Variants in RNF125 observed in about 807,000 individuals in gnomAD.
RNF125 encodes E3 ubiquitin-protein ligase RNF125.
A neutral mutation model predicts 26.0 loss-of-function variants in RNF125; 21 were observed. That is an observed-to-expected ratio of 0.81 (90% CI 0.57 to 1.16). The LOEUF (loss-of-function observed/expected upper bound fraction) is 1.16. Among genes scored for constraint, RNF125 ranks in the 50% most tolerant of loss-of-function variants. The pLI, the probability that RNF125 is intolerant of heterozygous loss-of-function variation, is 0.00. For missense variants in RNF125, 270 were observed against 299.4 expected (o/e 0.90, Z 0.72); for synonymous variants, 95 against 109.2 (o/e 0.87, Z 0.81).
intron 1 of RNF125, among the ~76,000 whole-genome samples, chr18:32,025,378 C>T (rs1294029942): frequency 2.0e-5 from 3 of 151,904 alleles, no homozygotes; most frequent in African/African-American, 7.3e-5. Context: ...AGAGGACCCC[C>T]AATGGCCAGG....
At chr18:32,060,096 G>A (rs1568206977) in intron 4 of RNF125, among the ~76,000 whole-genome samples, 1 of 152,156 alleles carries the variant, frequency 6.6e-6, no homozygotes, top group Non-Finnish European at 1.5e-5. Flanking sequence ...ATGGTTTCTT[G>A]AAAAGAAAGA....
At position 32,070,969 on chromosome 18, in the gene RNF125, G is replaced by C. The variant is rs570421482; in HGVS notation, c.*2585G>C. 1 of 152,266 alleles carries C rather than the reference G, an allele frequency of 6.6e-6. No individual in the cohort carries two copies. Among genetic ancestry groups the C allele is most frequent in the Non-Finnish European group, 1.5e-5 (1 of 68,142 alleles). 9.4% of individuals were successfully genotyped at this position (152,266 alleles called of 1,614,324 possible). A position where few individuals can be genotyped will look rare whatever the true frequency, so the allele number is the denominator to read the frequency against. On this transcript the variant is annotated 3_prime_UTR_variant, in exon 6 of 6. Transcript: ENST00000217740. ...TCCGCCTGCCTCGGCCTCCCAAAGT[G>C]CTGGGATTACAGGTGTGAGCCACTG...
downstream of RNF125, among the ~76,000 whole-genome samples, chr18:32,074,321 A>G (rs749320997): frequency 5.9e-5 from 9 of 152,232 alleles, no homozygotes; most frequent in Non-Finnish European, 2.9e-5. Context: ...ATGTCAAGGC[A>G]CTGAGGAAAT....
At chr18:32,085,293 G>GC in the RNF125 span, among the ~76,000 whole-genome samples, 1 of 151,940 alleles carries the variant, frequency 6.6e-6, no homozygotes, top group African/African-American at 2.4e-5. Context: ...GGAAGGGCCT[G>GC]CCCAGCAGGA....
At position 32,070,607 on chromosome 18, in the gene RNF125, T is replaced by G. The variant is rs983489198; in HGVS notation, c.*2223T>G. The G allele has an allele frequency of 3.9e-5, 6 of 152,198 alleles. No individual in the cohort carries two copies. The highest frequency in any genetic ancestry group is 8.8e-5 in the Non-Finnish European group (6 of 68,038). 9.4% of individuals were successfully genotyped at this position (152,198 alleles called of 1,614,324 possible). A position where few individuals can be genotyped will look rare whatever the true frequency, so the allele number is the denominator to read the frequency against. ...TCATTTCTTTTATTTATCTTACACT[T>G]ACAGCTGTCTCAGAATAACAATAGA... is the stretch of plus-strand genomic sequence containing the variant. On this transcript the variant is annotated 3_prime_UTR_variant, in exon 6 of 6. Transcript: ENST00000217740.
At chr18:32,087,463 G>A in the RNF125 span, among the ~76,000 whole-genome samples, 1 of 151,798 alleles carries the variant, frequency 6.6e-6, no homozygotes, top group Non-Finnish European at 1.5e-5. Context: ...CCCAACCTGT[G>A]GGATCTGACA....
At chr18:32,028,095 G>A (rs1259407432) in intron 1 of RNF125, among the ~76,000 whole-genome samples, 3 of 151,384 alleles carry the variant, frequency 2.0e-5, no homozygotes, top group Admixed American at 6.6e-5. Context: ...TCAGGAGATC[G>A]AGACCATCCT....
chr18:32,031,393 C>A lies in RNF125; in HGVS notation c.165-5723C>A, dbSNP rs536149968. 2.9e-5 allele frequency: 4 copies of A among 138,604 alleles called. No homozygotes were observed. In the East Asian group the frequency reaches 9.0e-4, roughly 31 times the overall value. 8.6% of individuals were successfully genotyped at this position (138,604 alleles called of 1,614,324 possible). On this transcript the variant is annotated intron_variant, in intron 1 of 5. Transcript: ENST00000217740. ...TTTTATGAATTATTGTAGGAGCCTA[C>A]AATAATAGGGGATAATGTATACAAG...
the RNF125 span, among the ~76,000 whole-genome samples, chr18:32,086,080 T>G: frequency 6.6e-6 from 1 of 152,150 alleles, no homozygotes; most frequent in East Asian, 1.9e-4. Context: ...ACCTATATAT[T>G]CTTTCCATCT....
At chr18:32,079,296 C>T in the RNF125 span, among the ~76,000 whole-genome samples, 9 of 152,344 alleles carry the variant, frequency 5.9e-5, 1 homozygote, top group African/African-American at 2.2e-4. Context: ...GGGTTCCACT[C>T]TCCTGACCTC....
chr18:32,047,804 T>C (rs992437955), intron 4 of RNF125, among the ~76,000 whole-genome samples: 3 of 151,902 alleles, frequency 2.0e-5, no homozygotes, highest in African/African-American at 7.3e-5. Context: ...AGATAGATAA[T>C]GGATAGAAAT....
At chr18:32,039,313 T>C (rs2039193240) in intron 2 of RNF125, among the ~76,000 whole-genome samples, 1 of 151,856 alleles carries the variant, frequency 6.6e-6, no homozygotes, top group Non-Finnish European at 1.5e-5. Context: ...GGAAGAGCGC[T>C]TGAGCCCAGG....
At chr18:32,066,076 C>G in intron 5 of RNF125, 67 bp downstream of exon 5, 1 of 1,008,064 alleles carries the variant, frequency 9.9e-7, no homozygotes, top group Non-Finnish European at 1.6e-6. Flanking sequence ...CTTTCCGATC[C>G]AAGTGAATAA....
chr18:32,043,148 CA>C (rs548477193), intron 3 of RNF125, among the ~76,000 whole-genome samples: 6 of 143,778 alleles, frequency 4.2e-5, no homozygotes, highest in East Asian at 2.0e-4. Context: ...GACTCTGTCT[CA>C]AAAAAAAAAG....
At chr18:32,050,269 T>TTTTGTC (rs1406814440) in intron 4 of RNF125, among the ~76,000 whole-genome samples, 11 of 152,200 alleles carry the variant, frequency 7.2e-5, no homozygotes, top group Non-Finnish European at 1.6e-4. Context: ...TATGCATCCT[T>TTTTGTC]AAGAGCCAAT....
At chr18:32,019,178 C>T in intron 1 of RNF125, 151 bp downstream of exon 1, 1 of 899,848 alleles carries the variant, frequency 1.1e-6, no homozygotes, top group East Asian at 3.0e-5. Flanking sequence ...TGCAGGACCA[C>T]GGGGAAAACG....
At chr18:32,076,883 T>C (rs1434146299), downstream of RNF125, among the ~76,000 whole-genome samples, 1 of 152,182 alleles carries the variant, frequency 6.6e-6, no homozygotes, top group Non-Finnish European at 1.5e-5. Context: ...TCAAATGTCA[T>C]CTTCTCATAA....
intron 4 of RNF125, among the ~76,000 whole-genome samples, chr18:32,049,546 A>C (rs972001337): frequency 2.1e-5 from 3 of 142,160 alleles, no homozygotes; most frequent in African/African-American, 7.6e-5. Flanking sequence ...AGAGGAAGTG[A>C]TGTCCTCTCA....
At chr18:32,034,518 A>C (rs2039132566) in intron 1 of RNF125, among the ~76,000 whole-genome samples, 1 of 152,148 alleles carries the variant, frequency 6.6e-6, no homozygotes, top group African/African-American at 2.4e-5. Flanking sequence ...GGAAATAATG[A>C]TCTTTCTTGG....
Sources: gnomAD v4.1 joint callset for allele counts (sites outside exome capture counted in the v4.1 genomes callset) on GRCh38, gnomAD v4.1.1 for gene constraint, MANE v1.5 for transcripts, NCBI Gene and HGNC (gene_info 2026-07-23, HGNC 2026-07-21) for gene names.